The following IGF1R variants were observed in gnomAD, a reference collection of about 807,000 sequenced individuals.
IGF1R encodes the protein insulin-like growth factor 1 receptor.
A neutral mutation model predicts 144.6 loss-of-function variants in IGF1R; 44 were observed. That is an observed-to-expected ratio of 0.30 (90% confidence interval 0.24 to 0.39). The LOEUF is 0.39. IGF1R is among the 10% of genes least tolerant of loss of function. The probability of loss-of-function intolerance (pLI) is 1.00; values close to 1 mark genes in which losing one functional copy is unlikely to be tolerated. For missense variants in IGF1R, 1,355 were observed against 1,833.7 expected, an observed-to-expected ratio of 0.74 and a Z score of 4.77; for synonymous variants, 795 against 722.8, an observed-to-expected ratio of 1.10 and a Z score of -1.60.
At position 98,794,425 on chromosome 15, in the gene IGF1R, T is replaced by G. The variant is rs8027264; in HGVS notation, c.640+86318T>G. Among the ~76,000 whole-genome samples, 1,348 of 152,206 alleles carry G rather than the reference T, an allele frequency of 8.9e-3. 30 individuals carry two copies. The highest frequency in any genetic ancestry group is 0.032 in the African/African-American group (1,308 of 41,504). On this transcript the variant is annotated intron_variant, in intron 2 of 20. Transcript: ENST00000650285. ...TGCCCCCCGTGGTGCTCAGATTGCT[T>G]AGTGTGAGAAGGAAAAGACCAGTGA...
intron 2 of IGF1R, among the ~76,000 whole-genome samples, chr15:98,861,706 TG>T (rs1455981655): frequency 1.3e-5 from 2 of 152,228 alleles, no homozygotes; most frequent in Admixed American, 6.5e-5. Flanking sequence ...GTCTCCTTTC[TG>T]TAAAAAGGAG....
At chr15:98,931,741 G>A (rs1308950780) in intron 15 of IGF1R, among the ~76,000 whole-genome samples, 1 of 149,366 alleles carries the variant, frequency 6.7e-6, no homozygotes, top group Non-Finnish European at 1.5e-5. Flanking sequence ...GAAGGCACCT[G>A]TAGTCCCAGC....
intron 1 of IGF1R, among the ~76,000 whole-genome samples, chr15:98,706,133 C>A (rs1302206851): frequency 6.6e-6 from 1 of 152,232 alleles, no homozygotes; most frequent in African/African-American, 2.4e-5. Flanking sequence ...GTGCACACCA[C>A]TGACCACCTG....
Position 98,858,710 on chromosome 15 carries a change from C to T in IGF1R, c.641-32615C>T, listed in dbSNP as rs541254346. On this transcript the variant is annotated intron_variant, in intron 2 of 20. Transcript: ENST00000650285. The stretch of plus-strand genomic sequence containing the variant: ...CTGGGCTTCCTCCTCCATTGTTCAG[C>T]GCAGCAAACCAGCACAGCACTCCGT... 3.9e-5 allele frequency among the ~76,000 whole-genome samples: 6 copies of T among 152,324 alleles called. No homozygotes were observed. The East Asian group carries it at 7.7e-4, about 20-fold the overall frequency.
At chr15:98,807,564 A>C (rs1050330761) in intron 2 of IGF1R, among the ~76,000 whole-genome samples, 2 of 152,252 alleles carry the variant, frequency 1.3e-5, no homozygotes, top group Non-Finnish European at 2.9e-5. Context: ...CTCAGCAGCC[A>C]GATGGGATTT....
intron 1 of IGF1R, among the ~76,000 whole-genome samples, chr15:98,662,954 C>T (rs2052635651): frequency 6.6e-6 from 1 of 151,832 alleles, no homozygotes; most frequent in Non-Finnish European, 1.5e-5. Flanking sequence ...TGCAGTGGAC[C>T]CGCTGAGAAG....
Position 98,935,534 on chromosome 15 carries a change from C to T in IGF1R, c.3297+108C>T. 2 of 766,648 alleles carry T rather than the reference C, an allele frequency of 2.6e-6. No homozygotes were observed. 47.5% of individuals were successfully genotyped at this position (766,648 alleles called of 1,614,324 possible). A position where few individuals can be genotyped will look rare whatever the true frequency, so the allele number is the denominator to read the frequency against. ...GTCTTTAAATCAGTTTACTTTCCAG[C>T]ATCCAGTGTTTCTTACTGCATGCTC... is the stretch of plus-strand genomic sequence containing the variant. On this transcript the variant is annotated intron_variant, in intron 17 of 20. Coordinates refer to ENST00000650285, the MANE Select transcript of IGF1R (RefSeq NM_000875.5). The surrounding 1 kb of genome is among the most constrained non-coding windows in gnomAD (Gnocchi z 4.2).
intron 2 of IGF1R, among the ~76,000 whole-genome samples, chr15:98,793,970 T>C (rs1444413343): frequency 1.3e-5 from 2 of 152,154 alleles, no homozygotes; most frequent in Non-Finnish European, 2.9e-5. Flanking sequence ...AATTTTAGTT[T>C]TTGAGATGAA....
chr15:98,657,162 AAGTC>A (rs2052505212), intron 1 of IGF1R, among the ~76,000 whole-genome samples: 2 of 152,240 alleles, frequency 1.3e-5, no homozygotes, highest in Admixed American at 6.5e-5. Context: ...TCACCAATTT[AAGTC>A]AGCCAAAGTT....
intron 1 of IGF1R, among the ~76,000 whole-genome samples, chr15:98,661,247 C>G (rs2052591243): frequency 6.6e-6 from 1 of 152,148 alleles, no homozygotes; most frequent in African/African-American, 2.4e-5. Flanking sequence ...ATCATTGAAG[C>G]ACCCTCTCCA....
intron 2 of IGF1R, among the ~76,000 whole-genome samples, chr15:98,775,063 C>G (rs1198840950): frequency 2.0e-5 from 3 of 152,072 alleles, no homozygotes; most frequent in Non-Finnish European, 4.4e-5. Flanking sequence ...TAATAACCTG[C>G]CTTAGTCCCA....
At chr15:98,905,336 A>G (rs2014680767) in intron 5 of IGF1R, among the ~76,000 whole-genome samples, 1 of 152,118 alleles carries the variant, frequency 6.6e-6, no homozygotes, top group Non-Finnish European at 1.5e-5. Context: ...AAATCTGGAT[A>G]TCATAGAGCA....
chr15:98,730,287 C>T (rs561821470), intron 2 of IGF1R, among the ~76,000 whole-genome samples: 1 of 152,062 alleles, frequency 6.6e-6, no homozygotes, highest in Admixed American at 6.5e-5. Flanking sequence ...ACCATGATCC[C>T]AGGACAGAAT....
intron 19 of IGF1R, among the ~76,000 whole-genome samples, chr15:98,943,260 A>G (rs1201819448): frequency 6.6e-6 from 1 of 152,198 alleles, no homozygotes; most frequent in East Asian, 1.9e-4. Flanking sequence ...GTGGGATTTT[A>G]AAGAATTTAT....
At chr15:98,682,634 G>C (rs1017394057) in intron 1 of IGF1R, among the ~76,000 whole-genome samples, 2 of 151,984 alleles carry the variant, frequency 1.3e-5, no homozygotes, top group Non-Finnish European at 2.9e-5. Context: ...TGCAGCCTCT[G>C]CCTTCCGAGT....
intron 2 of IGF1R, among the ~76,000 whole-genome samples, chr15:98,858,719 C>CCAGCA (rs560995888): frequency 2.0e-3 from 305 of 152,358 alleles, no homozygotes; most frequent in African/African-American, 7.0e-3. Context: ...GCGCAGCAAA[C>CCAGCA]CAGCACAGCA....
chr15:98,709,155 A>T (rs549107858), intron 2 of IGF1R, among the ~76,000 whole-genome samples: 1 of 152,354 alleles, frequency 6.6e-6, no homozygotes, highest in South Asian at 2.1e-4. Flanking sequence ...TAAGGAACCC[A>T]TGTTCTCTAG....
chr15:98,939,502 C>T (rs1739281745), intron 18 of IGF1R, 142 bp downstream of exon 18: 7 of 831,992 alleles, frequency 8.4e-6, no homozygotes, highest in South Asian at 8.3e-5. Context: ...ATGTGATTGT[C>T]TCCAGTTGAT....
At chr15:98,917,140 A>C (rs1272383208) in intron 10 of IGF1R, among the ~76,000 whole-genome samples, 2 of 152,194 alleles carry the variant, frequency 1.3e-5, no homozygotes, top group South Asian at 4.1e-4. Flanking sequence ...AACCCCCCAC[A>C]GAGAGCAGGT....
Sources: gnomAD v4.1 joint callset for allele counts (sites outside exome capture counted in the v4.1 genomes callset) on GRCh38, gnomAD v4.1.1 for gene constraint, Gnocchi (gnomAD v3.1) non-coding constraint, MANE v1.5 for transcripts, NCBI Gene and HGNC (gene_info 2026-07-23, HGNC 2026-07-21) for gene names.